The following HMGA2 variants were observed in gnomAD, a reference collection of about 807,000 sequenced individuals.
HMGA2 encodes high mobility group AT-hook 2, also known as high mobility group protein HMGI-C.
Under a neutral mutation model 19.1 loss-of-function variants are expected in HMGA2, and 8 were observed. That is an observed-to-expected ratio of 0.42 (90% confidence interval 0.25 to 0.76). The LOEUF (loss-of-function observed/expected upper bound fraction) is 0.76. Ranked by LOEUF, HMGA2 falls within the 30% of genes least tolerant of loss-of-function variation. The probability of loss-of-function intolerance (pLI) is 0.28; values close to 1 mark genes in which losing one functional copy is unlikely to be tolerated. For missense variants in HMGA2, 109 were observed against 136.3 expected (o/e 0.80, Z 1.00); for synonymous variants, 60 against 48.8 (o/e 1.23, Z -0.96).
At chr12:65,930,635 C>T (rs918265426) in intron 3 of HMGA2, among the ~76,000 whole-genome samples, 2 of 152,122 alleles carry the variant, frequency 1.3e-5, no homozygotes, top group Middle Eastern at 3.2e-3. Flanking sequence ...TCATTTCCTC[C>T]CCCTAAATAA....
chr12:65,893,360 G>C (rs1475544440), intron 3 of HMGA2, among the ~76,000 whole-genome samples: 1 of 152,148 alleles, frequency 6.6e-6, no homozygotes, highest in Non-Finnish European at 1.5e-5. Context: ...AGGCCAAATG[G>C]ATACATGCGA....
At chr12:65,942,284 T>C (rs1180761589) in intron 3 of HMGA2, among the ~76,000 whole-genome samples, 1 of 152,230 alleles carries the variant, frequency 6.6e-6, no homozygotes, top group African/African-American at 2.4e-5. Flanking sequence ...CAAATATTTA[T>C]TCATTTTCCT....
chr12:65,897,767 C>A (rs1047956243), intron 3 of HMGA2, among the ~76,000 whole-genome samples: 1 of 152,112 alleles, frequency 6.6e-6, no homozygotes, highest in Non-Finnish European at 1.5e-5. Flanking sequence ...TGAGACCACC[C>A]TGGCCAACGT....
rs998491739 is a variant in HMGA2 at position 65,824,949 on chromosome 12, C to A, written c.-322C>A. 21 of 363,978 alleles carry A rather than the reference C, an allele frequency of 5.8e-5. No individual in the cohort carries two copies. The highest frequency in any genetic ancestry group is 9.8e-5 in the Admixed American group (2 of 20,310). 22.5% of individuals were successfully genotyped at this position (363,978 alleles called of 1,614,324 possible). A position where few individuals can be genotyped will look rare whatever the true frequency, so the allele number is the denominator to read the frequency against. ...CTCAAAGCCTCTCTTCCTTCTCCCT[C>A]GCTTCCCTCCTCCTCTTGCTACCTC... On this transcript the variant is annotated 5_prime_UTR_variant, in exon 1 of 5. Transcript: ENST00000403681.
chr12:65,889,973 C>T (rs1873834524), intron 3 of HMGA2, among the ~76,000 whole-genome samples: 1 of 152,148 alleles, frequency 6.6e-6, no homozygotes, highest in Non-Finnish European at 1.5e-5. Flanking sequence ...AGCCATCTTC[C>T]TCCTAATTCT....
At chr12:65,937,744 T>C (rs769983214) in intron 3 of HMGA2, among the ~76,000 whole-genome samples, 3 of 152,208 alleles carry the variant, frequency 2.0e-5, no homozygotes, top group Non-Finnish European at 4.4e-5. Context: ...CAAAGAGGGC[T>C]GTTCTTCTAC....
chr12:65,906,660 G>T (rs1415957187), intron 3 of HMGA2, among the ~76,000 whole-genome samples: 2 of 152,128 alleles, frequency 1.3e-5, no homozygotes, highest in East Asian at 3.9e-4. Flanking sequence ...GTTTGATGCT[G>T]ATTAGGGCTG....
chr12:65,962,266 G>C (rs1191692752), intron 4 of HMGA2, among the ~76,000 whole-genome samples: 2 of 152,158 alleles, frequency 1.3e-5, no homozygotes, highest in African/African-American at 4.8e-5. Context: ...GTCCTGAAAG[G>C]TACTGCACAT....
intron 3 of HMGA2, among the ~76,000 whole-genome samples, chr12:65,866,504 G>A (rs1872420454): frequency 1.3e-5 from 2 of 152,188 alleles, no homozygotes. Context: ...GGGGCTAACT[G>A]AGCATTCACC....
chr12:65,936,273 G>C (rs1017048541), intron 3 of HMGA2, among the ~76,000 whole-genome samples: 2 of 149,342 alleles, frequency 1.3e-5, no homozygotes, highest in Non-Finnish European at 3.0e-5. Context: ...CACAAATCAA[G>C]TACTTTAAAT....
In HMGA2 at chr12:65,965,049, C is replaced by G. The variant is rs1378604049; in HGVS notation, c.*1757C>G. The G allele has an allele frequency of 5.3e-6, 1 of 188,498 alleles. No homozygotes were observed. Among genetic ancestry groups the G allele is most frequent in the Non-Finnish European group, 1.1e-5 (1 of 89,460 alleles). The allele number at this position is 188,498 out of a possible 1,614,324, so 11.7% of individuals were successfully genotyped here. A position where few individuals can be genotyped will look rare whatever the true frequency, so the allele number is the denominator to read the frequency against. On this transcript the variant is annotated 3_prime_UTR_variant, in exon 5 of 5. Coordinates refer to ENST00000403681, the MANE Select transcript of HMGA2 (RefSeq NM_003483.6). ...TGAAATAGTTCAAACTGCAGCTAACCCTAGTCAAAACTATTTTTGTAAAAG... is the reference window on the plus strand; with the variant it reads ...TGAAATAGTTCAAACTGCAGCTAACGCTAGTCAAAACTATTTTTGTAAAAG...
intron 3 of HMGA2, among the ~76,000 whole-genome samples, chr12:65,939,989 T>A (rs990442742): frequency 7.9e-5 from 12 of 152,126 alleles, no homozygotes; most frequent in African/African-American, 2.9e-4. Flanking sequence ...ACATAATACA[T>A]GAGATTGTAA....
At chr12:65,924,229 C>T (rs1875425288) in intron 3 of HMGA2, among the ~76,000 whole-genome samples, 1 of 152,164 alleles carries the variant, frequency 6.6e-6, no homozygotes, top group Non-Finnish European at 1.5e-5. Context: ...AATGAACCAA[C>T]TTAGAATATA....
intron 3 of HMGA2, among the ~76,000 whole-genome samples, chr12:65,928,549 AT>A (rs1344848929): frequency 6.6e-6 from 1 of 152,200 alleles, no homozygotes. Flanking sequence ...TAACCTTTAA[AT>A]TTTTTTAACT....
intron 3 of HMGA2, chr12:65,934,826 T>C (rs1875838720): frequency 6.6e-6 from 1 of 152,210 alleles, no homozygotes; most frequent in South Asian, 2.1e-4. Flanking sequence ...TGAGTATCCA[T>C]AAAGGCACCA....
chr12:65,881,435 A>T (rs1426552881), intron 3 of HMGA2: 1 of 418,620 alleles, frequency 2.4e-6, no homozygotes, highest in Non-Finnish European at 4.3e-6. Flanking sequence ...GCTGGCCAGG[A>T]TATGTAAATA....
In HMGA2 at chr12:65,881,656, G is replaced by A; in HGVS notation, c.249+43087G>A. 10 of 674,832 alleles carry A rather than the reference G, an allele frequency of 1.5e-5. No homozygotes were observed. The South Asian group carries it at 1.6e-4, about 11-fold the overall frequency. The allele number at this position is 674,832 out of a possible 1,614,324, so 41.8% of individuals were successfully genotyped here. Reference sequence around the variant, plus strand: ...GGAGGGAGGGAGGGAGGGAGAAAGAGAGAGAGAGAGGGGAGAAATATGAGA... The same window carrying A: ...GGAGGGAGGGAGGGAGGGAGAAAGAAAGAGAGAGAGGGGAGAAATATGAGA... On this transcript the variant is annotated intron_variant, in intron 3 of 4. Transcript: ENST00000403681.
intron 3 of HMGA2, among the ~76,000 whole-genome samples, chr12:65,852,400 G>A (rs561400957): frequency 1.6e-4 from 25 of 152,252 alleles, no homozygotes; most frequent in African/African-American, 5.8e-4. Flanking sequence ...CTACTCGGGA[G>A]ACTGAGGCCA....
chr12:65,887,066 C>A (rs1186108287), intron 3 of HMGA2, among the ~76,000 whole-genome samples: 1 of 152,186 alleles, frequency 6.6e-6, no homozygotes, highest in African/African-American at 2.4e-5. Context: ...TAACTCCTAT[C>A]TATTTGACAA....
Sources: gnomAD v4.1 joint callset for allele counts (sites outside exome capture counted in the v4.1 genomes callset) on GRCh38, gnomAD v4.1.1 for gene constraint, MANE v1.5 for transcripts, NCBI Gene and HGNC (gene_info 2026-07-23, HGNC 2026-07-21) for gene names.